Variants in ZNF888 observed in about 807,000 individuals in gnomAD.
ZNF888 encodes CTD-2331H12.6.
ZNF888 carries 5 observed loss-of-function variants against 7.2 expected under a neutral mutation model. The ratio of observed to expected loss-of-function variants is 0.70; its 90% CI spans 0.36 to 1.46. The LOEUF (loss-of-function observed/expected upper bound fraction) is 1.46, where lower values mean the gene tolerates loss of function less well. ZNF888 is among the 40% of genes most tolerant of loss of function. The probability of loss-of-function intolerance (pLI) is 0.03; values close to 1 mark genes in which losing one functional copy is unlikely to be tolerated. For synonymous variants in ZNF888, 240 were observed against 284.3 expected (o/e 0.84, Z 1.57); for missense variants, 716 against 858.0 (o/e 0.83, Z 2.07).
Position 52,906,840 on chromosome 19 carries a change from G to A in ZNF888, c.1482C>T (p.Tyr494=). 4 of 1,613,478 alleles carry A rather than the reference G, an allele frequency of 2.5e-6. No homozygotes were observed. The highest frequency in any genetic ancestry group is 3.4e-6 in the Non-Finnish European group (4 of 1,179,796). ...HRRIHTGEKP[Y]KCKVCDKAFR... ...AAGCCTTGTCACAAACCTTACATTT[G>A]TATGGTTTCTCACCAGTGTGAATTC... The change falls in exon 5 of 5, where the codon TAC becomes TAT. Residue 494 remains tyrosine, a synonymous_variant. Transcript: ENST00000638862.
rs2064590208 is a variant in ZNF888, at chr19:52,904,973, T to C, written c.*1192A>G. On this transcript the variant is annotated 3_prime_UTR_variant, in exon 5 of 5. Coordinates refer to ENST00000638862, the MANE Select transcript of ZNF888 (RefSeq NM_001393938.1). ...AAAATTTAAAAACACTTCCATTTGC[T>C]AGAGAACTTAAAGTAAGAAATACTT... The C allele has an allele frequency of 6.5e-6, 1 of 152,844 alleles. No individual in the cohort carries two copies. The highest frequency in any genetic ancestry group is 2.4e-5 in the African/African-American group (1 of 41,420). The allele number at this position is 152,844 out of a possible 1,614,324, so 9.5% of individuals were successfully genotyped here. A position where few individuals can be genotyped will look rare whatever the true frequency, so the allele number is the denominator to read the frequency against.
intron 4 of ZNF888, among the ~76,000 whole-genome samples, chr19:52,910,174 A>C (rs887438664): frequency 7.0e-6 from 1 of 143,112 alleles, no homozygotes. Context: ...AAAAAAAAAA[A>C]AAAGAACTGA....
At chr19:52,918,509 C>T (rs1231650528) in intron 2 of ZNF888, among the ~76,000 whole-genome samples, 5 of 152,092 alleles carry the variant, frequency 3.3e-5, no homozygotes, top group Admixed American at 3.3e-4. Context: ...ATGGCTGAAG[C>T]CTGTAATACT....
chr19:52,905,073 C>T lies in ZNF888; in HGVS notation c.*1092G>A, dbSNP rs2147919677. 6.6e-6 allele frequency: 1 copy of T among 152,372 alleles called. No homozygotes were observed. The highest frequency in any genetic ancestry group is 2.1e-4 in the South Asian group (1 of 4,812). 9.4% of individuals were successfully genotyped at this position (152,372 alleles called of 1,614,324 possible). On this transcript the variant is annotated 3_prime_UTR_variant, in exon 5 of 5. Transcript: ENST00000638862. Reference sequence around the variant, plus strand: ...GTTGATCAAAATGATTAAAAACATACATAGAGATACAACCCATATTGATAG... The same window carrying T: ...GTTGATCAAAATGATTAAAAACATATATAGAGATACAACCCATATTGATAG...
chr19:52,911,800 A>G (rs36088772), intron 4 of ZNF888, among the ~76,000 whole-genome samples: 14,496 of 151,748 alleles, frequency 0.096, 815 homozygotes, highest in East Asian at 0.21. Context: ...TAGCAGTAAC[A>G]TATTTTATTT....
intron 1 of ZNF888, among the ~76,000 whole-genome samples, chr19:52,921,937 AAAAG>A (rs199564117): frequency 6.4e-4 from 98 of 152,294 alleles, no homozygotes; most frequent in Middle Eastern, 3.4e-3. Context: ...CTCATAAAAG[AAAAG>A]AAAGAAAGAA....
intron 4 of ZNF888, among the ~76,000 whole-genome samples, chr19:52,909,012 G>A (rs989077059): frequency 2.0e-5 from 3 of 151,822 alleles, no homozygotes; most frequent in Admixed American, 6.6e-5. Flanking sequence ...GGGCGTGGTC[G>A]CGGGAGCCTG....
rs1415350854 is a variant in ZNF888 at position 52,920,306 on chromosome 19, G to A, written c.-177-1369C>T. ...GGTGGTTGCCGGGTCTGTGTGGATGGAAGTAGACATGGGAGACTTTTCATT... is the reference window on the plus strand; with the variant it reads ...GGTGGTTGCCGGGTCTGTGTGGATGAAAGTAGACATGGGAGACTTTTCATT... On this transcript the variant is annotated intron_variant, in intron 1 of 4. Coordinates refer to ENST00000638862, the MANE Select transcript of ZNF888 (RefSeq NM_001393938.1). Among the ~76,000 whole-genome samples, 6 of 63,532 alleles carry A rather than the reference G, an allele frequency of 9.4e-5. 1 individual carries two copies. Among genetic ancestry groups the A allele is most frequent in the African/African-American group, 3.1e-4 (6 of 19,512 alleles). 41.7% of individuals were successfully genotyped at this position (63,532 alleles called of 152,430 possible).
chr19:52,909,748 T>C (rs1440341359), intron 4 of ZNF888, among the ~76,000 whole-genome samples: 3 of 152,054 alleles, frequency 2.0e-5, no homozygotes, highest in Non-Finnish European at 4.4e-5. Flanking sequence ...AATTCCCTCT[T>C]AAGAAAAAAA....
intron 2 of ZNF888, 81 bp from the exon 3 acceptor site, chr19:52,918,012 C>G: frequency 6.5e-7 from 1 of 1,536,296 alleles, no homozygotes; most frequent in Non-Finnish European, 8.7e-7. Flanking sequence ...AAAACAACGA[C>G]ACATACAAAG....
chr19:52,907,068 C>T lies in ZNF888; in HGVS notation c.1254G>A (p.Thr418=), dbSNP rs117340188. 45,166 of 1,606,182 alleles carry T rather than the reference C, an allele frequency of 0.028. 747 individuals carry two copies. Among genetic ancestry groups the T allele is most frequent in the Non-Finnish European group, 0.032 (38,011 of 1,177,966 alleles). Reference sequence around the variant, plus strand: ...CTAAGAGGGCTGAATTTTCACCAAACGTTTTGCCACACTCATTACACTTGT... The same window carrying T: ...CTAAGAGGGCTGAATTTTCACCAAATGTTTTGCCACACTCATTACACTTGT... ...KPYKCNECGK[T]FGENSALLVH... Residue 418 remains threonine (T), a synonymous_variant, in exon 5 of 5, where the codon ACG becomes ACA. Coordinates refer to ENST00000638862, the MANE Select transcript of ZNF888 (RefSeq NM_001393938.1).
chr19:52,920,185 C>G (rs182050093), intron 1 of ZNF888, among the ~76,000 whole-genome samples: 8,737 of 58,266 alleles, frequency 0.15, 3,518 homozygotes, highest in African/African-American at 0.45. Flanking sequence ...CCGTCTGGGA[C>G]GTGTGCCCAG....
At position 52,907,217 on chromosome 19, in the gene ZNF888, G is replaced by A. The variant is rs936280506; in HGVS notation, c.1105C>T (p.Leu369Phe). 1.9e-6 allele frequency: 3 copies of A among 1,612,656 alleles called. No homozygotes were observed. The highest frequency in any genetic ancestry group is 2.2e-5 in the East Asian group (1 of 44,802). ...CDKVFSRKSY[L>F]ERHRRIHTGE... The stretch of plus-strand genomic sequence containing the variant: ...GTGTGAATTCTCCTATGTCTTTCAA[G>A]GTATGATTTGCGACTGAAAACTTTG... Residue 369 changes from leucine (L) to phenylalanine (F), a missense_variant, in exon 5 of 5, where the codon CTT becomes TTT. Physicochemically the swap from Leu to Phe is conservative, Grantham distance 22. Coordinates refer to ENST00000638862, the MANE Select transcript of ZNF888 (RefSeq NM_001393938.1).
chr19:52,912,561 T>TCAA (rs2064698951), intron 4 of ZNF888, among the ~76,000 whole-genome samples: 1 of 114,908 alleles, frequency 8.7e-6, no homozygotes. Context: ...CCATCTCTAC[T>TCAA]AAAAAAAAAA....
chr19:52,920,006 G>A (rs1459173075), intron 1 of ZNF888, among the ~76,000 whole-genome samples: 1 of 52,462 alleles, frequency 1.9e-5, no homozygotes, highest in African/African-American at 7.9e-5. Flanking sequence ...CTGCCCGGCC[G>A]CCCCTACTGG....
chr19:52,918,787 T>C (rs1461335190), intron 2 of ZNF888, 32 bp downstream of exon 2: 1 of 151,348 alleles, frequency 6.6e-6, no homozygotes, highest in African/African-American at 2.4e-5. Flanking sequence ...CAAATACAAA[T>C]ACAAAAATTA....
chr19:52,923,062 A>T (rs1362643454), intron 1 of ZNF888, among the ~76,000 whole-genome samples: 1 of 151,962 alleles, frequency 6.6e-6, no homozygotes, highest in African/African-American at 2.4e-5. Flanking sequence ...GCAGGGATCC[A>T]CCTCTCGGGT....
intron 4 of ZNF888, among the ~76,000 whole-genome samples, chr19:52,910,323 A>T (rs1467526330): frequency 6.6e-6 from 1 of 152,126 alleles, no homozygotes; most frequent in Non-Finnish European, 1.5e-5. Context: ...TACAAAAAAA[A>T]TTAGCTATGC....
intron 2 of ZNF888, chr19:52,918,155 G>C (rs763005684): frequency 6.0e-5 from 59 of 985,270 alleles, no homozygotes; most frequent in Non-Finnish European, 7.0e-5. Flanking sequence ...ATCTGGGCTG[G>C]AATGAGCTCC....
Sources: allele counts gnomAD v4.1 joint callset (sites outside exome capture counted in the v4.1 genomes callset), GRCh38; gene constraint gnomAD v4.1.1; transcripts MANE v1.5; gene names NCBI Gene and HGNC (gene_info 2026-07-23, HGNC 2026-07-21).